RDX: variants seen among roughly 807,000 people sequenced by gnomAD.
The protein encoded by RDX is deafness, autosomal recessive 24.
Under a neutral mutation model 83.7 loss-of-function variants are expected in RDX, and 32 were observed. The ratio of observed to expected loss-of-function variants is 0.38; its 90% CI spans 0.29 to 0.51. The LOEUF is 0.51. Among genes scored for constraint, RDX ranks in the 20% least tolerant of loss-of-function variants. RDX has a pLI of 0.87. For synonymous variants in RDX, 229 were observed against 222.7 expected, an observed-to-expected ratio of 1.03 and a Z score of -0.25; for missense variants, 600 against 689.9, an observed-to-expected ratio of 0.87 and a Z score of 1.46.
intron 10 of RDX, among the ~76,000 whole-genome samples, chr11:110,242,722 A>T (rs1439870922): frequency 2.6e-5 from 4 of 152,208 alleles, no homozygotes; most frequent in Non-Finnish European, 5.9e-5. Flanking sequence ...TGAAAACATC[A>T]GGTCTACTCC....
chr11:110,215,134 G>A (rs1863995484), intron 14 of RDX, among the ~76,000 whole-genome samples: 1 of 150,160 alleles, frequency 6.7e-6, no homozygotes, highest in Admixed American at 6.6e-5. Context: ...GCCGAGGTGG[G>A]CGGATCACGA....
intron 14 of RDX, among the ~76,000 whole-genome samples, chr11:110,203,409 T>G (rs1444038744): frequency 9.2e-6 from 1 of 108,926 alleles, no homozygotes; most frequent in East Asian, 3.1e-4. Flanking sequence ...GAATTGTTAA[T>G]GGGTAAAAAA....
At chr11:110,248,528 C>T (rs1436578083) in intron 9 of RDX, among the ~76,000 whole-genome samples, 1 of 151,888 alleles carries the variant, frequency 6.6e-6, no homozygotes, top group Non-Finnish European at 1.5e-5. Context: ...GATGAGTTTA[C>T]AAAACTGCTA....
Position 110,295,650 on chromosome 11 carries a change from A to AC in RDX, c.-65+816_-65+817insG, listed in dbSNP as rs1433151892. ...TGTAGTCTGTTTAAACTGAAAAAAA[A>AC]AAAAAAACAAAAATGCACTGCCCCC... On this transcript the variant is annotated intron_variant, in intron 1 of 13. Coordinates refer to ENST00000645495, the MANE Select transcript of RDX (RefSeq NM_002906.4). Among the ~76,000 whole-genome samples the AC allele has an allele frequency of 8.6e-5, 13 of 150,940 alleles. No homozygotes were observed. In the East Asian group the frequency reaches 2.1e-3, roughly 25 times the overall value.
At chr11:110,253,377 T>C (rs1200017738) in intron 9 of RDX, among the ~76,000 whole-genome samples, 2 of 152,234 alleles carry the variant, frequency 1.3e-5, no homozygotes, top group Non-Finnish European at 2.9e-5. Flanking sequence ...TGGAAATTAA[T>C]GTCACTGGAC....
chr11:110,251,628 T>C (rs1316486905), intron 9 of RDX, among the ~76,000 whole-genome samples: 1 of 152,166 alleles, frequency 6.6e-6, no homozygotes, highest in Non-Finnish European at 1.5e-5. Context: ...CTACAATTGG[T>C]ACATAGGTAT....
chr11:110,271,614 A>G (rs1860314620), intron 3 of RDX, among the ~76,000 whole-genome samples: 1 of 152,210 alleles, frequency 6.6e-6, no homozygotes, highest in South Asian at 2.1e-4. Flanking sequence ...CAGACAATTA[A>G]ATCAGCATCT....
chr11:110,199,737 C>T (rs568735434), intron 14 of RDX: 5 of 702,708 alleles, frequency 7.1e-6, no homozygotes, highest in Non-Finnish European at 1.3e-5. Flanking sequence ...CAGTAGGAAG[C>T]TGAATGGGCA....
chr11:110,255,000 A>T (rs1399858191), intron 8 of RDX, among the ~76,000 whole-genome samples: 1 of 152,232 alleles, frequency 6.6e-6, no homozygotes, highest in Non-Finnish European at 1.5e-5. Flanking sequence ...GAAACACTTT[A>T]AAATTGCTTC....
At chr11:110,207,205 C>T (rs1462640506) in intron 14 of RDX, among the ~76,000 whole-genome samples, 3 of 152,106 alleles carry the variant, frequency 2.0e-5, no homozygotes, top group Non-Finnish European at 4.4e-5. Context: ...AACTCCTGGC[C>T]TCAAGTGATC....
chr11:110,226,058 C>T (rs1273543284), downstream of RDX, among the ~76,000 whole-genome samples: 1 of 126,700 alleles, frequency 7.9e-6, no homozygotes, highest in African/African-American at 2.9e-5. Flanking sequence ...AAGAGCAAAA[C>T]TCCATCTCAA....
In RDX at chr11:110,254,160, TCA is replaced by T. The variant is rs550222340; in HGVS notation, c.796-53_796-52del. 1.2e-4 allele frequency: 175 copies of T among 1,467,772 alleles called. No homozygotes were observed. In the African/African-American group the frequency reaches 2.1e-3, roughly 18 times the overall value. 90.9% of individuals were successfully genotyped at this position (1,467,772 alleles called of 1,614,324 possible). ...AAATCTTCCTCAAGGATACTGTCTC[TCA>T]TAACAATCTGTACTAAATTTTAACA... is the stretch of plus-strand genomic sequence containing the variant. On this transcript the variant is annotated intron_variant, in intron 8 of 13. Transcript: ENST00000645495.
At chr11:110,263,929 A>C in intron 5 of RDX, 31 bp downstream of exon 5, 1 of 1,601,002 alleles carries the variant, frequency 6.2e-7, no homozygotes, top group Non-Finnish European at 8.5e-7. Context: ...CAATTTTCAG[A>C]CAATATAATG....
intron 5 of RDX, among the ~76,000 whole-genome samples, chr11:110,260,293 GCTC>G (rs1206352258): frequency 9.9e-5 from 15 of 152,026 alleles, no homozygotes; most frequent in Non-Finnish European, 2.2e-4. Context: ...GCTGGAAACT[GCTC>G]TTCTAAGGTC....
In RDX at chr11:110,199,961, C is replaced by T. The variant is rs145510276; in HGVS notation, c.1749-283G>A. 7.6e-3 allele frequency among the ~76,000 whole-genome samples: 1,156 copies of T among 152,292 alleles called. 21 individuals are homozygous for T. Among genetic ancestry groups the T allele is most frequent in the African/African-American group, 0.026 (1,094 of 41,558 alleles). On this transcript the variant is annotated intron_variant, in intron 14 of 15. Transcript: ENST00000528498. ...GACTTCAAATAGTGCAGCAACTCTA[C>T]ACAAGCTAACTAGTCTCTTTCAATA...
chr11:110,276,610 T>G (rs1200477680), intron 2 of RDX, among the ~76,000 whole-genome samples: 1 of 152,242 alleles, frequency 6.6e-6, no homozygotes, highest in Non-Finnish European at 1.5e-5. Flanking sequence ...ACTCTATACA[T>G]GACTATGGTT....
chr11:110,264,729 A>G, intron 4 of RDX, 50 bp downstream of exon 4: 1 of 1,342,386 alleles, frequency 7.4e-7, no homozygotes, highest in South Asian at 1.2e-5. Flanking sequence ...ACAAATTCAT[A>G]ACTTCAACTT....
chr11:110,286,641 T>A (rs1004602643), intron 1 of RDX, among the ~76,000 whole-genome samples: 133 of 152,372 alleles, frequency 8.7e-4, no homozygotes, highest in African/African-American at 2.8e-3. Context: ...TTAATTATTT[T>A]AAATTTTTTT....
At chr11:110,236,706 C>G (rs981761078) in intron 11 of RDX, 1 of 158,684 alleles carries the variant, frequency 6.3e-6, no homozygotes, top group Admixed American at 6.3e-5. Context: ...CCGCAACCTC[C>G]GCCTGCCAGG....
Sources: allele counts gnomAD v4.1 joint callset (sites outside exome capture counted in the v4.1 genomes callset), GRCh38; gene constraint gnomAD v4.1.1; transcripts MANE v1.5; gene names NCBI Gene and HGNC (gene_info 2026-07-23, HGNC 2026-07-21).